INPP4B: variants seen among roughly 807,000 people sequenced by gnomAD.
INPP4B encodes inositol polyphosphate-4-phosphatase type II B, also known as inositol polyphosphate 4-phosphatase type II.
Under a neutral mutation model 122.5 loss-of-function variants are expected in INPP4B, and 55 were observed. That is an observed-to-expected ratio of 0.45 (90% confidence interval 0.36 to 0.56). The LOEUF (loss-of-function observed/expected upper bound fraction) is 0.56, where lower values mean the gene tolerates loss of function less well. Among genes scored for constraint, INPP4B ranks in the 20% least tolerant of loss-of-function variants. INPP4B has a pLI of 0.00. For synonymous variants in INPP4B, 403 were observed against 388.7 expected (o/e 1.04, Z -0.43); for missense variants, 1,000 against 1,097.7 (o/e 0.91, Z 1.26).
chr4:142,679,329 A>C (rs1758255437), intron 2 of INPP4B, among the ~76,000 whole-genome samples: 1 of 152,070 alleles, frequency 6.6e-6, no homozygotes, highest in African/African-American at 2.4e-5. Context: ...TAATGAGATT[A>C]GTGCAGTCCC....
chr4:142,650,755 C>A (rs1375670782), intron 2 of INPP4B, among the ~76,000 whole-genome samples: 4 of 152,132 alleles, frequency 2.6e-5, no homozygotes, highest in Admixed American at 1.3e-4. Context: ...GATTTAGACA[C>A]CCACACAAGA....
intron 21 of INPP4B, among the ~76,000 whole-genome samples, chr4:142,119,055 T>C (rs1451543170): frequency 6.6e-6 from 1 of 152,198 alleles, no homozygotes. Flanking sequence ...ATGCTCATCA[T>C]CACTGGCCAT....
rs574441549 is a variant in INPP4B, at chr4:142,041,588, A to C, written c.2643-12674T>G. On this transcript the variant is annotated intron_variant, in intron 25 of 25. Coordinates refer to ENST00000262992, the MANE Select transcript of INPP4B (RefSeq NM_001101669.3). ...AGCCGAGATCAGGTCATTGCACTCC[A>C]GCCTGGGCAACAAGAGCAAAACTCC... Among the ~76,000 whole-genome samples the C allele has an allele frequency of 1.2e-3, 188 of 152,238 alleles. 1 individual carries two copies. Among genetic ancestry groups the C allele is most frequent in the African/African-American group, 4.3e-3 (178 of 41,538 alleles).
chr4:142,322,101 A>G (rs1337315712), intron 7 of INPP4B, among the ~76,000 whole-genome samples: 1 of 152,200 alleles, frequency 6.6e-6, no homozygotes, highest in African/African-American at 2.4e-5. Flanking sequence ...ATGGCATGGT[A>G]AGAGTCAAAC....
intron 2 of INPP4B, among the ~76,000 whole-genome samples, chr4:142,485,195 G>A (rs1457676604): frequency 2.0e-5 from 3 of 152,070 alleles, no homozygotes; most frequent in Non-Finnish European, 4.4e-5. Flanking sequence ...CCAGAAAGCT[G>A]AGAGAAGAGA....
intron 11 of INPP4B, among the ~76,000 whole-genome samples, chr4:142,246,062 TG>T (rs1561601699): frequency 3.6e-3 from 40 of 11,162 alleles, no homozygotes; most frequent in Non-Finnish European, 0.018. Flanking sequence ...TATATATATG[TG>T]TGTGTGTATA....
intron 25 of INPP4B, among the ~76,000 whole-genome samples, chr4:142,067,218 G>A (rs1370702750): frequency 6.6e-6 from 1 of 152,184 alleles, no homozygotes; most frequent in South Asian, 2.1e-4. Context: ...ACAGGGTCTG[G>A]AGTGGACCTC....
intron 9 of INPP4B, among the ~76,000 whole-genome samples, chr4:142,280,071 C>G (rs1394505160): frequency 6.6e-6 from 1 of 151,240 alleles, no homozygotes; most frequent in Non-Finnish European, 1.5e-5. Context: ...AACACCCTTA[C>G]AATGGCTGGC....
At chr4:142,119,789 G>GTATA (rs769777692) in intron 21 of INPP4B, among the ~76,000 whole-genome samples, 627 of 22,780 alleles carry the variant, frequency 0.028, 9 homozygotes, top group African/African-American at 0.033. Flanking sequence ...AGAACTTAAA[G>GTATA]TATATATACA....
chr4:142,713,527 C>A (rs779863244), intron 2 of INPP4B, among the ~76,000 whole-genome samples: 1 of 152,202 alleles, frequency 6.6e-6, no homozygotes, highest in Admixed American at 6.5e-5. Context: ...GAAGTCTACT[C>A]TTCTGAGAAA....
At chr4:142,798,813 T>C (rs879855176) in intron 1 of INPP4B, among the ~76,000 whole-genome samples, 4 of 151,086 alleles carry the variant, frequency 2.6e-5, no homozygotes, top group Admixed American at 1.3e-4. Flanking sequence ...TAAGTACATA[T>C]ACAGTATACA....
chr4:142,562,659 G>A (rs1398310601), intron 2 of INPP4B, among the ~76,000 whole-genome samples: 1 of 151,686 alleles, frequency 6.6e-6, no homozygotes, highest in African/African-American at 2.4e-5. Flanking sequence ...CCCATTTTGT[G>A]TTAAAGAAAA....
chr4:142,624,399 A>G (rs907793317), intron 2 of INPP4B, among the ~76,000 whole-genome samples: 6 of 151,382 alleles, frequency 4.0e-5, no homozygotes, highest in Admixed American at 6.6e-5. Context: ...TCCTTCGCCC[A>G]CTTTTTGATG....
chr4:142,077,577 GA>G (rs779492365), intron 25 of INPP4B, among the ~76,000 whole-genome samples: 3 of 151,822 alleles, frequency 2.0e-5, no homozygotes, highest in Non-Finnish European at 4.4e-5. Flanking sequence ...TAGGAAGTCT[GA>G]AAGTTCCTAC....
At chr4:142,418,699 G>A (rs1239385665) in intron 5 of INPP4B, among the ~76,000 whole-genome samples, 1 of 152,156 alleles carries the variant, frequency 6.6e-6, no homozygotes, top group Non-Finnish European at 1.5e-5. Context: ...TGGGTTGATA[G>A]AGAGTGAGCT....
At chr4:142,486,764 T>C (rs1281786344) in intron 2 of INPP4B, among the ~76,000 whole-genome samples, 2 of 152,218 alleles carry the variant, frequency 1.3e-5, no homozygotes, top group Admixed American at 6.5e-5. Context: ...TGGAAAATAA[T>C]TTATCTAGTG....
intron 2 of INPP4B, among the ~76,000 whole-genome samples, chr4:142,484,398 C>T (rs942406809): frequency 1.3e-5 from 2 of 151,908 alleles, no homozygotes; most frequent in Middle Eastern, 3.4e-3. Context: ...TAAAGAAAAG[C>T]TTGTATATAG....
chr4:142,740,696 T>C (rs1397207798), intron 1 of INPP4B, among the ~76,000 whole-genome samples: 1 of 151,862 alleles, frequency 6.6e-6, no homozygotes, highest in Non-Finnish European at 1.5e-5. Flanking sequence ...TAAAAAAAAA[T>C]TGCACCTTAA....
At chr4:142,248,876 G>A (rs1334978957) in intron 11 of INPP4B, among the ~76,000 whole-genome samples, 1 of 152,018 alleles carries the variant, frequency 6.6e-6, no homozygotes, top group South Asian at 2.1e-4. Context: ...GGAGAGGGTA[G>A]ATGCTAAATA....
Sources: allele counts gnomAD v4.1 joint callset (sites outside exome capture counted in the v4.1 genomes callset), GRCh38; gene constraint gnomAD v4.1.1; transcripts MANE v1.5; gene names NCBI Gene and HGNC (gene_info 2026-07-23, HGNC 2026-07-21).